SFMBT2: variants seen among roughly 807,000 people sequenced by gnomAD.
SFMBT2 encodes the protein scm-like with four MBT domains protein 2.
In SFMBT2, 38 loss-of-function variants were observed where a neutral mutation model predicts 110.1. The observed-to-expected ratio is 0.35, with a 90% CI of 0.27 to 0.45. The LOEUF (loss-of-function observed/expected upper bound fraction) is 0.45. Among genes scored for constraint, SFMBT2 ranks in the 20% least tolerant of loss-of-function variants. The pLI is 1.00. For synonymous variants in SFMBT2, 425 were observed against 425.4 expected (o/e 1.00, Z 0.01); for missense variants, 1,011 against 1,094.9 (o/e 0.92, Z 1.08).
chr10:7,358,945 A>G (rs1564457114), intron 4 of SFMBT2, among the ~76,000 whole-genome samples: 1 of 152,254 alleles, frequency 6.6e-6, no homozygotes, highest in Non-Finnish European at 1.5e-5. Context: ...ATGAGAGAAG[A>G]CTTAATAAGA....
chr10:7,168,394 T>C (rs1411162939), intron 20 of SFMBT2, among the ~76,000 whole-genome samples: 1 of 152,216 alleles, frequency 6.6e-6, no homozygotes, highest in East Asian at 1.9e-4. Flanking sequence ...TTTTTTTTTA[T>C]TGTGAAAACT....
intron 4 of SFMBT2, among the ~76,000 whole-genome samples, chr10:7,296,563 A>C (rs1262695643): frequency 1.3e-5 from 2 of 152,238 alleles, no homozygotes; most frequent in Non-Finnish European, 2.9e-5. Context: ...TAGGTCTATG[A>C]GAAAGAGACA....
chr10:7,242,641 A>G (rs1046075197), intron 9 of SFMBT2, among the ~76,000 whole-genome samples: 1 of 152,218 alleles, frequency 6.6e-6, no homozygotes, highest in Non-Finnish European at 1.5e-5. Context: ...AAATATGGGG[A>G]AAAATGAAGA....
intron 20 of SFMBT2, among the ~76,000 whole-genome samples, chr10:7,165,576 G>A (rs1837673928): frequency 6.6e-6 from 1 of 152,170 alleles, no homozygotes; most frequent in Non-Finnish European, 1.5e-5. Flanking sequence ...AACTTTAAAA[G>A]TATCAATGTG....
intron 16 of SFMBT2, among the ~76,000 whole-genome samples, chr10:7,184,651 G>A (rs1016307556): frequency 6.6e-5 from 10 of 151,960 alleles, no homozygotes; most frequent in East Asian, 3.9e-4. Flanking sequence ...TATAACCACC[G>A]GCACGGCCCA....
At chr10:7,394,942 T>G (rs1208164267) in intron 1 of SFMBT2, among the ~76,000 whole-genome samples, 1 of 152,126 alleles carries the variant, frequency 6.6e-6, no homozygotes, top group African/African-American at 2.4e-5. Flanking sequence ...AACAGATTCC[T>G]AAGAAAGGAT....
rs145428304 is a variant in SFMBT2 at position 7,322,301 on chromosome 10, C to T, written c.437-36347G>A. Reference sequence around the variant, plus strand: ...TTCACCTTCTGCCATGATTGTGAGGCCTCCCCAGCCATGTGAAACTCTGAG... The same window carrying T: ...TTCACCTTCTGCCATGATTGTGAGGTCTCCCCAGCCATGTGAAACTCTGAG... On this transcript the variant is annotated intron_variant, in intron 4 of 20. Transcript: ENST00000397167. Among the ~76,000 whole-genome samples the T allele has an allele frequency of 4.7e-3, 709 of 152,264 alleles. 8 individuals are homozygous for T. The highest frequency in any genetic ancestry group is 0.015 in the African/African-American group (623 of 41,534).
chr10:7,233,131 A>G (rs1478361845), intron 9 of SFMBT2, among the ~76,000 whole-genome samples: 2 of 152,232 alleles, frequency 1.3e-5, no homozygotes, highest in Non-Finnish European at 2.9e-5. Context: ...AAAAATAAAA[A>G]TAGCAAAGGA....
chr10:7,210,672 G>T (rs1209583136), intron 11 of SFMBT2, among the ~76,000 whole-genome samples: 1 of 152,250 alleles, frequency 6.6e-6, no homozygotes, highest in African/African-American at 2.4e-5. Context: ...TGCAAAGCCG[G>T]TGTGAGTGCC....
intron 7 of SFMBT2, among the ~76,000 whole-genome samples, chr10:7,266,023 G>T (rs1354719610): frequency 6.6e-6 from 1 of 152,008 alleles, no homozygotes; most frequent in African/African-American, 2.4e-5. Flanking sequence ...GCTGAGATCA[G>T]TGCTGAACCA....
intron 2 of SFMBT2, among the ~76,000 whole-genome samples, chr10:7,373,182 G>T (rs1196248843): frequency 2.6e-5 from 4 of 152,142 alleles, no homozygotes; most frequent in African/African-American, 9.7e-5. Context: ...AGGAATGGAT[G>T]ACTTCCCTCG....
chr10:7,231,301 G>C (rs1840106733), intron 9 of SFMBT2, among the ~76,000 whole-genome samples: 1 of 152,160 alleles, frequency 6.6e-6, no homozygotes. Flanking sequence ...GCTATTTCCT[G>C]AGTTAATTTC....
At chr10:7,249,541 T>C in intron 7 of SFMBT2, 2 of 985,410 alleles carry the variant, frequency 2.0e-6, no homozygotes, top group Non-Finnish European at 2.4e-6. Flanking sequence ...GATTTCCAAA[T>C]ACATCAATTG....
At chr10:7,300,459 GACA>G (rs1842527235) in intron 4 of SFMBT2, among the ~76,000 whole-genome samples, 1 of 152,116 alleles carries the variant, frequency 6.6e-6, no homozygotes, top group Admixed American at 6.5e-5. Flanking sequence ...GTAGTCTTTT[GACA>G]ACATTCCTGG....
intron 9 of SFMBT2, among the ~76,000 whole-genome samples, chr10:7,232,859 C>T (rs2131688200): frequency 6.6e-6 from 1 of 152,306 alleles, no homozygotes; most frequent in Admixed American, 6.5e-5. Flanking sequence ...CCACTCAGCA[C>T]ATGAAATACA....
intron 1 of SFMBT2, among the ~76,000 whole-genome samples, chr10:7,398,577 G>A (rs1437937748): frequency 6.6e-6 from 1 of 152,110 alleles, no homozygotes; most frequent in Non-Finnish European, 1.5e-5. Flanking sequence ...ACTGAGTTTG[G>A]TCAAAGGGCC....
chr10:7,202,140 A>T (rs550289718), intron 13 of SFMBT2: 2 of 198,610 alleles, frequency 1.0e-5, no homozygotes, highest in Admixed American at 1.3e-4. Flanking sequence ...CTGCGACTCG[A>T]AACTGCACCT....
chr10:7,287,281 G>A (rs1022871570), intron 4 of SFMBT2: 3 of 156,972 alleles, frequency 1.9e-5, no homozygotes, highest in East Asian at 1.9e-4. Flanking sequence ...GGGTTTCACC[G>A]TGTTAGCCAA....
intron 9 of SFMBT2, 58 bp downstream of exon 9, chr10:7,243,500 T>C (rs1840503598): frequency 5.9e-6 from 5 of 854,400 alleles, no homozygotes; most frequent in South Asian, 1.3e-5. Flanking sequence ...GTTACTTCAA[T>C]GACAGTAAGA....
Sources: gnomAD v4.1 joint callset for allele counts (sites outside exome capture counted in the v4.1 genomes callset) on GRCh38, gnomAD v4.1.1 for gene constraint, MANE v1.5 for transcripts, NCBI Gene and HGNC (gene_info 2026-07-23, HGNC 2026-07-21) for gene names.